PRKN: variants seen among roughly 807,000 people sequenced by gnomAD.
The protein encoded by PRKN is E3 ubiquitin-protein ligase parkin.
In PRKN, 56 loss-of-function variants were observed where a neutral mutation model predicts 59.5. The ratio of observed to expected loss-of-function variants is 0.94; its 90% CI spans 0.76 to 1.18. The LOEUF is 1.18. PRKN is among the 50% of genes most tolerant of loss of function. PRKN has a pLI of 0.00. For synonymous variants in PRKN, 250 were observed against 222.1 expected (o/e 1.13, Z -1.12); for missense variants, 657 against 596.4 (o/e 1.10, Z -1.06).
intron 6 of PRKN, among the ~76,000 whole-genome samples, chr6:161,810,202 G>A (rs1791503075): frequency 6.6e-6 from 1 of 152,252 alleles, no homozygotes; most frequent in South Asian, 2.1e-4. Context: ...ACACAGATAT[G>A]TACAGAGGGA....
In PRKN at chr6:162,174,871, TC is replaced by T. The variant is rs952423609; in HGVS notation, c.534+26259del. Among the ~76,000 whole-genome samples, 137 of 152,326 alleles carry T rather than the reference TC, an allele frequency of 9.0e-4. 1 individual carries two copies. The highest frequency in any genetic ancestry group is 3.2e-3 in the African/African-American group (135 of 41,570). ...CTAACTGCATGCACTTGAAGTTAAA[TC>T]AAAGGATAATTACTGGTCTAATATT... On this transcript the variant is annotated intron_variant, in intron 4 of 11. Transcript: ENST00000366898.
rs570630941 is a variant in PRKN, at chr6:162,217,354, T to C, written c.413-16102A>G. 3.1e-3 allele frequency among the ~76,000 whole-genome samples: 473 copies of C among 152,252 alleles called. 3 individuals are homozygous for C. Among genetic ancestry groups the C allele is most frequent in the African/African-American group, 0.011 (444 of 41,550 alleles). ...TACTGCTCTGGCTTCTCAGACTTGGTCCCACTACTTACATTTTTTTGTTTG... is the reference window on the plus strand; with the variant it reads ...TACTGCTCTGGCTTCTCAGACTTGGCCCCACTACTTACATTTTTTTGTTTG... On this transcript the variant is annotated intron_variant, in intron 3 of 11. Transcript: ENST00000366898.
At chr6:162,524,963 A>G (rs1485907946) in intron 1 of PRKN, among the ~76,000 whole-genome samples, 4 of 152,158 alleles carry the variant, frequency 2.6e-5, no homozygotes, top group Non-Finnish European at 5.9e-5. Context: ...ATTCTTCAAA[A>G]TGGAGGTTAA....
intron 7 of PRKN, among the ~76,000 whole-genome samples, chr6:161,641,627 A>G (rs7756491): frequency 0.71 from 108,129 of 151,760 alleles, 39,631 homozygotes; most frequent in African/African-American, 0.86. Flanking sequence ...TCTCTATTGC[A>G]ATTCCCCAGC....
chr6:162,681,314 A>T (rs921849697), intron 1 of PRKN, among the ~76,000 whole-genome samples: 1 of 152,230 alleles, frequency 6.6e-6, no homozygotes, highest in Non-Finnish European at 1.5e-5. Flanking sequence ...AAATTAAAGA[A>T]AACTTAAAGG....
At chr6:161,689,937 T>C (rs1310849802) in intron 7 of PRKN, among the ~76,000 whole-genome samples, 2 of 67,246 alleles carry the variant, frequency 3.0e-5, no homozygotes, top group African/African-American at 1.1e-4. Context: ...CTCGAGCTCC[T>C]GACCTCAAGG....
Position 161,413,956 on chromosome 6 carries a change from G to A in PRKN, c.1084-27079C>T, listed in dbSNP as rs529115684. Among the ~76,000 whole-genome samples, 2 of 152,220 alleles carry A rather than the reference G, an allele frequency of 1.3e-5. No individual in the cohort carries two copies. Among genetic ancestry groups the A allele is most frequent in the South Asian group, 4.1e-4 (2 of 4,824 alleles). ...TGGAAAGGGAAGCGAGGCAGAGGTG[G>A]CAGAAAGAGATGATAACTCCAGGAA... On this transcript the variant is annotated intron_variant, in intron 9 of 11. Transcript: ENST00000366898. This position sits in a 1 kb window ranked among gnomAD's most constrained non-coding sequence, Gnocchi z 4.4.
intron 9 of PRKN, among the ~76,000 whole-genome samples, chr6:161,491,585 C>T (rs975871151): frequency 1.3e-5 from 2 of 152,078 alleles, no homozygotes; most frequent in African/African-American, 4.8e-5. Flanking sequence ...GTTCAAATCC[C>T]AGCCATTTCA....
intron 7 of PRKN, among the ~76,000 whole-genome samples, chr6:161,569,812 A>G (rs3765477): frequency 0.26 from 39,357 of 151,936 alleles, 5,366 homozygotes; most frequent in Middle Eastern, 0.35. Flanking sequence ...CTTATTCATC[A>G]TGTCCTGTTT....
chr6:161,943,971 C>G lies in PRKN; in HGVS notation c.734+29331G>C, dbSNP rs1779673767. 2.0e-5 allele frequency among the ~76,000 whole-genome samples: 3 copies of G among 150,648 alleles called. No homozygotes were observed. In the South Asian group the frequency reaches 6.4e-4, roughly 32 times the overall value. Reference sequence around the variant, plus strand: ...TGAGGGATCAGCCTTGAGGAAGCAGCCTGAGGAAGCAGCCTGAGGAAGGAG... The same window carrying G: ...TGAGGGATCAGCCTTGAGGAAGCAGGCTGAGGAAGCAGCCTGAGGAAGGAG... On this transcript the variant is annotated intron_variant, in intron 6 of 11. Transcript: ENST00000366898.
At chr6:162,471,871 A>G (rs1318646444) in intron 1 of PRKN, among the ~76,000 whole-genome samples, 1 of 152,208 alleles carries the variant, frequency 6.6e-6, no homozygotes, top group Non-Finnish European at 1.5e-5. Context: ...TGATTTTTAA[A>G]GTCCCCTAAT....
At chr6:162,430,176 T>G (rs200285448) in intron 2 of PRKN, among the ~76,000 whole-genome samples, 1 of 131,544 alleles carries the variant, frequency 7.6e-6, no homozygotes, top group Non-Finnish European at 1.7e-5. Context: ...ACGACGACGA[T>G]GATGATGATG....
In PRKN at chr6:161,348,264, T is replaced by A. The variant is rs1056630162; in HGVS notation, c.*1835A>T. The A allele has an allele frequency of 4.9e-6, 1 of 202,866 alleles. No individual in the cohort carries two copies. The highest frequency in any genetic ancestry group is 1.0e-5 in the Non-Finnish European group (1 of 98,936). 12.6% of individuals were successfully genotyped at this position (202,866 alleles called of 1,614,324 possible). ...ACTAAGTCAGGCCTTGATCAGGGTC[T>A]GGACTCAGTATGGACACGAGCCACT... On this transcript the variant is annotated 3_prime_UTR_variant, in exon 12 of 12. Transcript: ENST00000366898. This position sits in a 1 kb window ranked among gnomAD's most constrained non-coding sequence, Gnocchi z 4.9.
At chr6:161,987,304 C>G (rs1320493494) in intron 5 of PRKN, among the ~76,000 whole-genome samples, 1 of 152,116 alleles carries the variant, frequency 6.6e-6, no homozygotes, top group Non-Finnish European at 1.5e-5. Flanking sequence ...CATGCCAGTA[C>G]AAGTGATAAC....
intron 1 of PRKN, among the ~76,000 whole-genome samples, chr6:162,542,464 A>G (rs528152398): frequency 6.6e-6 from 1 of 152,172 alleles, no homozygotes; most frequent in East Asian, 1.9e-4. Context: ...TAAATCTATA[A>G]GAAACATACT....
At chr6:162,363,311 A>G (rs959980828) in intron 2 of PRKN, among the ~76,000 whole-genome samples, 1 of 152,082 alleles carries the variant, frequency 6.6e-6, no homozygotes. Context: ...ATGCTGCTGT[A>G]ATTCAATTTG....
chr6:161,748,804 T>C lies in PRKN; in HGVS notation c.871+36968A>G, dbSNP rs966910610. Among the ~76,000 whole-genome samples, 3 of 152,194 alleles carry C rather than the reference T, an allele frequency of 2.0e-5. No individual in the cohort carries two copies. The East Asian group carries it at 5.8e-4, about 29-fold the overall frequency. On this transcript the variant is annotated intron_variant, in intron 7 of 11. Transcript: ENST00000366898. ...CTCTAAGAGAATTTCCCTTATGCTTTAGCTGTTGAGAATTGAAAGTCTCCT... is the reference window on the plus strand; with the variant it reads ...CTCTAAGAGAATTTCCCTTATGCTTCAGCTGTTGAGAATTGAAAGTCTCCT...
chr6:162,249,299 T>C (rs576435509), intron 3 of PRKN, among the ~76,000 whole-genome samples: 41 of 152,332 alleles, frequency 2.7e-4, no homozygotes, highest in Non-Finnish European at 5.7e-4. Flanking sequence ...TAACATAGGT[T>C]CAATTAGGAT....
chr6:162,660,364 T>C (rs916091045), intron 1 of PRKN, among the ~76,000 whole-genome samples: 5 of 152,228 alleles, frequency 3.3e-5, no homozygotes, highest in Admixed American at 1.3e-4. Context: ...CCTTTCCTTA[T>C]GCAGTGTTCT....
Sources: allele counts gnomAD v4.1 joint callset (sites outside exome capture counted in the v4.1 genomes callset), GRCh38; gene constraint gnomAD v4.1.1; non-coding constraint Gnocchi (gnomAD v3.1); transcripts MANE v1.5; gene names NCBI Gene and HGNC (gene_info 2026-07-23, HGNC 2026-07-21).